Variants in ZNF552 observed in about 807,000 individuals in gnomAD.
The protein encoded by ZNF552 is zinc finger protein 552.
Under a neutral mutation model 7.2 loss-of-function variants are expected in ZNF552, and 2 were observed. That is an observed-to-expected ratio of 0.28 (90% CI 0.11 to 0.88). The LOEUF is 0.88. ZNF552 is among the 40% of genes least tolerant of loss of function. The probability of loss-of-function intolerance (pLI) is 0.60; values close to 1 mark genes in which losing one functional copy is unlikely to be tolerated. For missense variants in ZNF552, 421 were observed against 493.4 expected (o/e 0.85, Z 1.39); for synonymous variants, 173 against 176.5 (o/e 0.98, Z 0.16).
rs1287141503 is a variant in ZNF552 at position 57,808,821 on chromosome 19, C to T, written c.443G>A (p.Arg148Lys). 1.9e-6 allele frequency: 3 copies of T among 1,614,154 alleles called. No individual in the cohort carries two copies. Among genetic ancestry groups the T allele is most frequent in the Non-Finnish European group, 2.5e-6 (3 of 1,180,040 alleles). ...QNEHIGEKPY[R>K]GSVEEALFAK... is the part of the protein sequence containing the mutation. ...AAACAACGCCTCCTCAACACTCCCTCTGTAGGGTTTCTCTCCAATGTGCTC... is the reference window on the plus strand; with the variant it reads ...AAACAACGCCTCCTCAACACTCCCTTTGTAGGGTTTCTCTCCAATGTGCTC... The change falls in exon 3 of 3, where the codon AGA becomes AAA. Residue 148 changes from arginine (R) to lysine (K), a missense_variant. Arg to Lys is a conservative substitution (Grantham distance 26). Around this residue, in one of 2 missense-constraint regions of ZNF552, gnomAD observed 122 missense variants for 199.7 expected, o/e 0.61. Transcript: ENST00000391701.
intron 2 of ZNF552, 126 bp downstream of exon 2, chr19:57,813,168 T>C: frequency 1.3e-6 from 2 of 1,501,602 alleles, no homozygotes; most frequent in East Asian, 4.7e-5. Context: ...ACCTCAGTCC[T>C]ACCAACCAAG....
At chr19:57,811,730 A>AAC (rs1295328302) in intron 2 of ZNF552, among the ~76,000 whole-genome samples, 1 of 150,198 alleles carries the variant, frequency 6.7e-6, no homozygotes, top group Non-Finnish European at 1.5e-5. Context: ...AAAAAAAAAA[A>AAC]AAAAAAAACA....
intron 1 of ZNF552, among the ~76,000 whole-genome samples, chr19:57,813,997 G>C (rs1987909492): frequency 6.6e-6 from 1 of 152,082 alleles, no homozygotes; most frequent in Non-Finnish European, 1.5e-5. Flanking sequence ...GCCTCCCAAA[G>C]TGCTGGGATT....
rs549893839 is a variant in ZNF552 at position 57,809,381 on chromosome 19, A to G, written c.161-278T>C. On this transcript the variant is annotated intron_variant, in intron 2 of 2. Coordinates refer to ENST00000391701, the MANE Select transcript of ZNF552 (RefSeq NM_024762.3). ...CTGCATCTGCAAACCACTCATCTGC[A>G]GAATTTATGTCCTCATGACATGCGA... 2.5e-5 allele frequency: 16 copies of G among 633,710 alleles called. No homozygotes were observed. In the African/African-American group the frequency reaches 2.7e-4, roughly 11 times the overall value. The allele number at this position is 633,710 out of a possible 1,614,324, so 39.3% of individuals were successfully genotyped here.
In ZNF552 at chr19:57,814,858, C is replaced by G. The variant is rs1987931388; in HGVS notation, c.-115G>C. ...GACCTCCTGGATCCAGTCACCACCA[C>G]GGTCCCAACACAGCGCTCCAAGGAC... On this transcript the variant is annotated 5_prime_UTR_variant, in exon 1 of 3. Coordinates refer to ENST00000391701, the MANE Select transcript of ZNF552 (RefSeq NM_024762.3). 5 of 1,118,878 alleles carry G rather than the reference C, an allele frequency of 4.5e-6. No homozygotes were observed. Among genetic ancestry groups the G allele is most frequent in the Middle Eastern group, 2.0e-4 (1 of 4,992 alleles). The allele number at this position is 1,118,878 out of a possible 1,614,324, so 69.3% of individuals were successfully genotyped here.
At chr19:57,814,075 C>T (rs1157764747) in intron 1 of ZNF552, among the ~76,000 whole-genome samples, 3 of 152,112 alleles carry the variant, frequency 2.0e-5, no homozygotes, top group African/African-American at 7.2e-5. Context: ...AATGCTTCTA[C>T]AGCCATAAAG....
intron 1 of ZNF552, 117 bp downstream of exon 1, chr19:57,814,594 T>C (rs752276487): frequency 5.7e-5 from 90 of 1,584,268 alleles, no homozygotes; most frequent in Admixed American, 9.1e-5. Context: ...CGAGAGCGCC[T>C]CAGTGTCCCG....
At position 57,814,745 on chromosome 19, in the gene ZNF552, G is replaced by A. The variant is rs1987928443; in HGVS notation, c.-2C>T. ...GAACCTTAGCGCGGCCGCCGCCATG[G>A]GACCACGTGGGGTAAGCTGGGTTGA... On this transcript the variant is annotated 5_prime_UTR_variant, in exon 1 of 3. Coordinates refer to ENST00000391701, the MANE Select transcript of ZNF552 (RefSeq NM_024762.3). The A allele has an allele frequency of 9.3e-6, 15 of 1,613,798 alleles. No homozygotes were observed. Among genetic ancestry groups the A allele is most frequent in the Admixed American group, 3.3e-5 (2 of 59,978 alleles).
rs1987776790 is a variant in ZNF552 at position 57,808,121 on chromosome 19, C to T, written c.1143G>A (p.Gly381=). ...TAAATTTTTTTTCACATTCACTGCA[C>T]CCGTAAGGCTTTTCTCCAGTGTGAA... ...RRVHTGEKPY[G]CSECEKKFRQ... Residue 381 remains glycine (G), a synonymous_variant, in exon 3 of 3, where the codon GGG becomes GGA. Coordinates refer to ENST00000391701, the MANE Select transcript of ZNF552 (RefSeq NM_024762.3). 1 of 1,613,982 alleles carries T rather than the reference C, an allele frequency of 6.2e-7. No individual in the cohort carries two copies. The highest frequency in any genetic ancestry group is 1.7e-5 in the Admixed American group (1 of 59,978).
rs921761762 is a variant in ZNF552, at chr19:57,811,161, CTTTTTT to C, written c.161-2064_161-2059del. 8.5e-5 allele frequency among the ~76,000 whole-genome samples: 12 copies of C among 141,524 alleles called. No homozygotes were observed. The East Asian group carries it at 2.3e-3, about 27-fold the overall frequency. 92.8% of individuals were successfully genotyped at this position (141,524 alleles called of 152,430 possible). On this transcript the variant is annotated intron_variant, in intron 2 of 2. Transcript: ENST00000391701. ...GCGCCAGTCCCCTGGGCCCACTTTT[CTTTTTT>C]TTTTTTATTTTTTATTCTTTATTGA... is the stretch of plus-strand genomic sequence containing the variant.
In ZNF552 at chr19:57,808,875, T is replaced by C; in HGVS notation, c.389A>G (p.Asp130Gly). The change falls in exon 3 of 3, where the codon GAC (aspartate) becomes GGC (glycine). Residue 130 changes from aspartate to glycine, a missense_variant. Asp to Gly is a moderately conservative substitution (Grantham distance 94). This residue lies in a region of ZNF552 where 122 missense variants were observed against 199.7 expected (regional missense o/e 0.61). Transcript: ENST00000391701. ...RCEAWGNKLY[D>G]SGNFHQHQNE... ...CTGGTGCTGATGAAAGTTTCCACTG[T>C]CATACAATTTATTCCCCCAGGCCTC... The C allele has an allele frequency of 1.2e-6, 2 of 1,613,698 alleles. No individual in the cohort carries two copies. The highest frequency in any genetic ancestry group is 1.1e-5 in the South Asian group (1 of 91,038).
chr19:57,807,847 C>G lies in ZNF552; in HGVS notation c.*193G>C, dbSNP rs1987770765. 7.1e-6 allele frequency: 6 copies of G among 844,994 alleles called. No individual in the cohort carries two copies. In the Admixed American group the frequency reaches 1.3e-4, roughly 18 times the overall value. The allele number at this position is 844,994 out of a possible 1,614,324, so 52.3% of individuals were successfully genotyped here. On this transcript the variant is annotated 3_prime_UTR_variant, in exon 3 of 3. Coordinates refer to ENST00000391701, the MANE Select transcript of ZNF552 (RefSeq NM_024762.3). Reference sequence around the variant, plus strand: ...CCTTCATTCAGTGTTAACTATAATCCTGAAGGAATACAGAGGTGTGGCTAC... The same window carrying G: ...CCTTCATTCAGTGTTAACTATAATCGTGAAGGAATACAGAGGTGTGGCTAC...
chr19:57,811,641 G>A (rs1360262345), intron 2 of ZNF552, among the ~76,000 whole-genome samples: 1 of 148,736 alleles, frequency 6.7e-6, no homozygotes, highest in East Asian at 2.0e-4. Flanking sequence ...GCTTGGGCCT[G>A]GGAGACAGAG....
In ZNF552 at chr19:57,808,549, G is replaced by T; in HGVS notation, c.715C>A (p.Pro239Thr). 1 of 1,614,106 alleles carries T rather than the reference G, an allele frequency of 6.2e-7. No homozygotes were observed. The highest frequency in any genetic ancestry group is 1.1e-5 in the South Asian group (1 of 91,082). The change falls in exon 3 of 3, where the codon CCT becomes ACT. Residue 239 changes from proline (P) to threonine (T), a missense_variant. Transcript: ENST00000391701. ...TTCCCACATTCACACCACACAGAAG[G>T]TTCTTCTGTAGGGAGCAGTCTCTCG... is the stretch of plus-strand genomic sequence containing the variant. The part of the protein sequence containing the change: ...QHERLLPTEE[P>T]SVWCECGKSS...
chr19:57,810,756 C>T (rs1987839674), intron 2 of ZNF552, among the ~76,000 whole-genome samples: 1 of 152,146 alleles, frequency 6.6e-6, no homozygotes, highest in Non-Finnish European at 1.5e-5. Flanking sequence ...AGGAAGGCCT[C>T]TTTGCAGTTG....
rs763067586 is a variant in ZNF552, at chr19:57,808,272, T to C, written c.992A>G (p.Lys331Arg). ...GAATGTAGAGCTGTGGGTAAATGAC[T>C]TCCCACAATCACTGCATTCATATGG... ...ERPYECSDCG[K>R]SFTHSSTFRV... Residue 331 changes from lysine (K) to arginine (R), a missense_variant, in exon 3 of 3, where the codon AAG (lysine) becomes AGG (arginine). Physicochemically the swap from Lys to Arg is conservative, Grantham distance 26. This residue lies in a region of ZNF552 where 299 missense variants were observed against 293.7 expected (regional missense o/e 1.02). Transcript: ENST00000391701. 2.5e-6 allele frequency: 4 copies of C among 1,614,076 alleles called. No individual in the cohort carries two copies. The highest frequency in any genetic ancestry group is 3.4e-6 in the Non-Finnish European group (4 of 1,180,038).
Position 57,807,355 on chromosome 19 carries a change from G to C in ZNF552, c.*685C>G, listed in dbSNP as rs930625276. Reference sequence around the variant, plus strand: ...GGGCAGATCACGAGGTCAGGAGATTGAGAACTTCCTGGCTAACAGGGTGAA... The same window carrying C: ...GGGCAGATCACGAGGTCAGGAGATTCAGAACTTCCTGGCTAACAGGGTGAA... On this transcript the variant is annotated 3_prime_UTR_variant, in exon 3 of 3. Transcript: ENST00000391701. The C allele has an allele frequency of 6.6e-6, 1 of 152,174 alleles. No individual in the cohort carries two copies. The highest frequency in any genetic ancestry group is 1.5e-5 in the Non-Finnish European group (1 of 68,058). 9.4% of individuals were successfully genotyped at this position (152,174 alleles called of 1,614,324 possible). A position where few individuals can be genotyped will look rare whatever the true frequency, so the allele number is the denominator to read the frequency against.
intron 2 of ZNF552, chr19:57,813,035 T>G: frequency 2.0e-6 from 1 of 511,726 alleles, no homozygotes; most frequent in Non-Finnish European, 3.4e-6. Flanking sequence ...CACACAAACA[T>G]CCACAGGACA....
Position 57,808,582 on chromosome 19 carries a change from T to C in ZNF552, c.682A>G (p.Ser228Gly), listed in dbSNP as rs1238044703. ...MKHFSTKDIL[S>G]QHERLLPTEE... ...GTAGGGAGCAGTCTCTCGTGCTGAC[T>C]GAGTATATCTTTGGTGCTAAAATGT... The change falls in exon 3 of 3, where the codon AGT (serine) becomes GGT (glycine). Residue 228 changes from serine to glycine, a missense_variant. Physicochemically the swap from Ser to Gly is moderately conservative, Grantham distance 56. Coordinates refer to ENST00000391701, the MANE Select transcript of ZNF552 (RefSeq NM_024762.3). 1.9e-6 allele frequency: 3 copies of C among 1,614,200 alleles called. No individual in the cohort carries two copies. The Admixed American group carries it at 5.0e-5, about 27-fold the overall frequency.
Sources: allele counts gnomAD v4.1 joint callset (sites outside exome capture counted in the v4.1 genomes callset), GRCh38; gene constraint gnomAD v4.1.1; regional missense constraint gnomAD v4.1.1; transcripts MANE v1.5; gene names NCBI Gene and HGNC (gene_info 2026-07-23, HGNC 2026-07-21).